Variants in MARCHF1 observed in about 807,000 individuals in gnomAD.
MARCHF1 encodes membrane associated ring-CH-type finger 1.
A neutral mutation model predicts 54.2 loss-of-function variants in MARCHF1; 40 were observed. That is an observed-to-expected ratio of 0.74 (90% CI 0.57 to 0.96). The LOEUF is 0.96. MARCHF1 is among the 40% of genes least tolerant of loss of function. The pLI is 0.00. For synonymous variants in MARCHF1, 236 were observed against 236.3 expected, an observed-to-expected ratio of 1.00 and a Z score of 0.01; for missense variants, 586 against 656.5, an observed-to-expected ratio of 0.89 and a Z score of 1.17.
chr4:164,224,758 CATTT>C (rs771536741), intron 1 of MARCHF1, among the ~76,000 whole-genome samples: 1 of 151,840 alleles, frequency 6.6e-6, no homozygotes, highest in African/African-American at 2.4e-5. Flanking sequence ...AATTCTTAGT[CATTT>C]ATTTAAATAT....
At chr4:164,105,376 C>T (rs529039078) in intron 2 of MARCHF1, among the ~76,000 whole-genome samples, 100 of 151,124 alleles carry the variant, frequency 6.6e-4, no homozygotes, top group African/African-American at 2.2e-3. Context: ...TACTACAAGG[C>T]TGCAGTAACA....
At chr4:163,681,795 G>A (rs1370190332) in intron 5 of MARCHF1, among the ~76,000 whole-genome samples, 1 of 152,186 alleles carries the variant, frequency 6.6e-6, no homozygotes, top group African/African-American at 2.4e-5. Context: ...ATAGCAGTGT[G>A]AGAACAGACT....
At chr4:163,994,160 G>A (rs923812748) in intron 2 of MARCHF1, among the ~76,000 whole-genome samples, 12 of 151,992 alleles carry the variant, frequency 7.9e-5, no homozygotes, top group African/African-American at 2.9e-4. Flanking sequence ...TCCCAAAAGA[G>A]GGAACTGGAA....
chr4:163,531,067 AAATGACATC>A (rs1738331485), intron 9 of MARCHF1, among the ~76,000 whole-genome samples: 1 of 151,898 alleles, frequency 6.6e-6, no homozygotes. Flanking sequence ...TTTAAAGAAG[AAATGACATC>A]AATGTTCTAC....
At chr4:163,635,862 C>T (rs938908340) in intron 5 of MARCHF1, among the ~76,000 whole-genome samples, 5 of 152,068 alleles carry the variant, frequency 3.3e-5, no homozygotes, top group South Asian at 2.1e-4. Flanking sequence ...ACTGGCAAAA[C>T]GAATCCAGCA....
At chr4:164,371,884 T>G (rs565111048) in intron 1 of MARCHF1, among the ~76,000 whole-genome samples, 2 of 152,266 alleles carry the variant, frequency 1.3e-5, no homozygotes, top group African/African-American at 4.8e-5. Flanking sequence ...TACTTTTTGT[T>G]TATAATATTT....
chr4:164,188,536 C>T (rs895751156), intron 1 of MARCHF1: 8 of 724,310 alleles, frequency 1.1e-5, no homozygotes, highest in Admixed American at 3.7e-5. Flanking sequence ...TGGAGATCAC[C>T]GCCAACAATC....
chr4:164,204,441 G>A (rs1300804381), intron 1 of MARCHF1, among the ~76,000 whole-genome samples: 1 of 152,156 alleles, frequency 6.6e-6, no homozygotes, highest in Non-Finnish European at 1.5e-5. Context: ...TTTGCTCTTT[G>A]AGACAGCCAG....
At chr4:163,878,046 C>T (rs1750331848) in intron 3 of MARCHF1, among the ~76,000 whole-genome samples, 1 of 152,172 alleles carries the variant, frequency 6.6e-6, no homozygotes, top group Non-Finnish European at 1.5e-5. Context: ...TCCTATGTTT[C>T]TCACTTTCCC....
intron 2 of MARCHF1, among the ~76,000 whole-genome samples, chr4:164,095,914 A>G (rs1390472444): frequency 6.6e-6 from 1 of 152,172 alleles, no homozygotes; most frequent in Non-Finnish European, 1.5e-5. Context: ...GTCAAAAAAT[A>G]ACATATACGG....
chr4:163,832,215 C>T (rs1255587174), intron 4 of MARCHF1, among the ~76,000 whole-genome samples: 2 of 152,044 alleles, frequency 1.3e-5, no homozygotes, highest in East Asian at 3.9e-4. Context: ...TTGTGATGCC[C>T]TCTATGGAGA....
intron 2 of MARCHF1, among the ~76,000 whole-genome samples, chr4:164,078,467 G>A (rs981261955): frequency 2.0e-5 from 3 of 152,068 alleles, no homozygotes. Context: ...CATGGCACAT[G>A]TATACGTATG....
intron 9 of MARCHF1, among the ~76,000 whole-genome samples, chr4:163,535,812 T>C (rs1226793307): frequency 6.6e-6 from 1 of 150,814 alleles, no homozygotes; most frequent in East Asian, 2.0e-4. Flanking sequence ...AGGAGAACAA[T>C]CATCTGAAAC....
intron 7 of MARCHF1, among the ~76,000 whole-genome samples, chr4:163,605,209 T>A (rs7696415): frequency 6.6e-6 from 1 of 151,940 alleles, no homozygotes; most frequent in Admixed American, 6.6e-5. Context: ...TAAGCAAATT[T>A]ACAAGAAAAA....
At position 163,700,859 on chromosome 4, in the gene MARCHF1, T is replaced by A; in HGVS notation, c.116A>T (p.Glu39Val). ...ADASQTSTLN[E>V]KSPGRSASRS... ...ACTTGCAGATCGCCCTGGGGATTTT[T>A]CATTCTGAAAAATAAAATGGGAAAC... The change falls in exon 5 of 10, where the codon GAA becomes GTA. Residue 39 changes from glutamate to valine, a missense_variant. This residue lies in a region of MARCHF1 where 387 missense variants were observed against 394.6 expected (regional missense o/e 0.98). Coordinates refer to ENST00000514618, the MANE Select transcript of MARCHF1 (RefSeq NM_001394959.1). 6.5e-7 allele frequency: 1 copy of A among 1,535,398 alleles called. No individual in the cohort carries two copies.
intron 5 of MARCHF1, among the ~76,000 whole-genome samples, chr4:163,695,531 G>A (rs1473531950): frequency 6.6e-6 from 1 of 152,120 alleles, no homozygotes; most frequent in Non-Finnish European, 1.5e-5. Context: ...GAATTGAAAT[G>A]ACTCTCTGTC....
chr4:163,708,266 C>A (rs758391311), intron 4 of MARCHF1, among the ~76,000 whole-genome samples: 9 of 151,980 alleles, frequency 5.9e-5, no homozygotes, highest in Non-Finnish European at 8.8e-5. Context: ...TAATTTCCTT[C>A]CCCTGTTCAC....
chr4:164,113,101 G>A (rs968329430), intron 1 of MARCHF1, among the ~76,000 whole-genome samples: 4 of 151,746 alleles, frequency 2.6e-5, no homozygotes, highest in African/African-American at 4.8e-5. Context: ...GCTTATTTAA[G>A]TTGAATAACT....
intron 2 of MARCHF1, among the ~76,000 whole-genome samples, chr4:163,991,617 C>CA (rs1438748633): frequency 3.9e-5 from 6 of 152,190 alleles, no homozygotes; most frequent in African/African-American, 1.4e-4. Flanking sequence ...TGAGCACTGA[C>CA]AGACACTGGC....
Sources: allele counts gnomAD v4.1 joint callset (sites outside exome capture counted in the v4.1 genomes callset), GRCh38; gene constraint gnomAD v4.1.1; regional missense constraint gnomAD v4.1.1; transcripts MANE v1.5; gene names NCBI Gene and HGNC (gene_info 2026-07-23, HGNC 2026-07-21).